The following FNDC3A variants were observed in gnomAD, a reference collection of about 807,000 sequenced individuals.
The protein encoded by FNDC3A is fibronectin type III domain containing 3A.
A neutral mutation model predicts 148.9 loss-of-function variants in FNDC3A; 32 were observed. The ratio of observed to expected loss-of-function variants is 0.21; its 90% CI spans 0.16 to 0.29. The LOEUF is 0.29. Among genes scored for constraint, FNDC3A ranks in the 10% least tolerant of loss-of-function variants. FNDC3A has a pLI of 1.00. For synonymous variants in FNDC3A, 472 were observed against 473.6 expected, an observed-to-expected ratio of 1.00 and a Z score of 0.04; for missense variants, 1,191 against 1,452.8, an observed-to-expected ratio of 0.82 and a Z score of 2.93.
chr13:49,021,065 G>A (rs925947937), intron 2 of FNDC3A, among the ~76,000 whole-genome samples: 4 of 152,052 alleles, frequency 2.6e-5, no homozygotes, highest in African/African-American at 7.2e-5. Context: ...ATTTGATATG[G>A]GAAAAAAATG....
At chr13:48,995,919 C>T (rs542544888) in intron 1 of FNDC3A, among the ~76,000 whole-genome samples, 10 of 152,106 alleles carry the variant, frequency 6.6e-5, no homozygotes, top group Admixed American at 2.0e-4. Context: ...TATTTTTAGT[C>T]TAATATAGTC....
intron 19 of FNDC3A, among the ~76,000 whole-genome samples, chr13:49,196,134 A>G (rs1449279391): frequency 1.3e-5 from 2 of 151,150 alleles, no homozygotes; most frequent in Non-Finnish European, 2.9e-5. Flanking sequence ...AAAGATGGGC[A>G]TTTGGCAAAA....
At chr13:49,180,160 C>T (rs1442584171) in intron 14 of FNDC3A, among the ~76,000 whole-genome samples, 3 of 152,264 alleles carry the variant, frequency 2.0e-5, no homozygotes, top group South Asian at 4.1e-4. Context: ...TAGTTTTCCC[C>T]TGTCCTTATT....
At chr13:49,068,376 AATT>A (rs1877412245) in intron 2 of FNDC3A, among the ~76,000 whole-genome samples, 1 of 149,350 alleles carries the variant, frequency 6.7e-6, no homozygotes, top group Non-Finnish European at 1.5e-5. Context: ...AAAATAAATT[AATT>A]AATTAATTAA....
chr13:49,079,102 A>T (rs1279695587), intron 3 of FNDC3A, among the ~76,000 whole-genome samples: 2 of 151,748 alleles, frequency 1.3e-5, no homozygotes, highest in East Asian at 3.8e-4. Flanking sequence ...CTAAATAATT[A>T]CCTTACTTTA....
At chr13:49,030,586 A>C (rs1483503346) in intron 2 of FNDC3A, among the ~76,000 whole-genome samples, 1 of 152,234 alleles carries the variant, frequency 6.6e-6, no homozygotes, top group Admixed American at 6.5e-5. Flanking sequence ...CTATTCAAAG[A>C]GAACATGATC....
chr13:49,203,293 C>T lies in FNDC3A; in HGVS notation c.3282+9C>T. Reference sequence around the variant, plus strand: ...ATTCAGAATTCAAACAGGTATGTACCAAGATATTAATGTGTGGATGCATAT... The same window carrying T: ...ATTCAGAATTCAAACAGGTATGTACTAAGATATTAATGTGTGGATGCATAT... On this transcript the variant is annotated intron_variant, in intron 25 of 25. Coordinates refer to ENST00000492622, the MANE Select transcript of FNDC3A (RefSeq NM_001079673.2). 1 of 1,588,542 alleles carries T rather than the reference C, an allele frequency of 6.3e-7. No homozygotes were observed. Among genetic ancestry groups the T allele is most frequent in the Non-Finnish European group, 8.6e-7 (1 of 1,164,122 alleles).
At chr13:49,194,738 C>T (rs907675227) in intron 19 of FNDC3A, among the ~76,000 whole-genome samples, 1 of 152,046 alleles carries the variant, frequency 6.6e-6, no homozygotes, top group Non-Finnish European at 1.5e-5. Flanking sequence ...TTGCCTTAAA[C>T]AAAATCACAG....
intron 8 of FNDC3A, among the ~76,000 whole-genome samples, chr13:49,147,203 T>A (rs1316474492): frequency 6.6e-6 from 1 of 152,186 alleles, no homozygotes; most frequent in African/African-American, 2.4e-5. Context: ...CTTACTATGT[T>A]AATGACTGTT....
At chr13:48,999,525 A>G (rs1196322957) in intron 1 of FNDC3A, among the ~76,000 whole-genome samples, 1 of 152,170 alleles carries the variant, frequency 6.6e-6, no homozygotes, top group Admixed American at 6.5e-5. Flanking sequence ...CTTGGACTTT[A>G]GAGTTGATAT....
chr13:49,046,891 G>T (rs1875455337), intron 2 of FNDC3A: 1 of 151,812 alleles, frequency 6.6e-6, no homozygotes, highest in Admixed American at 6.6e-5. Flanking sequence ...GGAAACAGTT[G>T]GTGTTTGCTT....
At chr13:49,010,137 C>T (rs1952307001) in intron 2 of FNDC3A, among the ~76,000 whole-genome samples, 1 of 152,166 alleles carries the variant, frequency 6.6e-6, no homozygotes, top group Non-Finnish European at 1.5e-5. Flanking sequence ...AGGAGAAAGC[C>T]TGGACCAAAC....
intron 2 of FNDC3A, among the ~76,000 whole-genome samples, chr13:49,018,638 CT>C (rs1306917639): frequency 1.3e-5 from 2 of 152,390 alleles, no homozygotes; most frequent in South Asian, 4.1e-4. Context: ...TGTTCCCTTG[CT>C]GGTGAGGAAC....
chr13:48,990,375 G>C (rs1045445535), intron 1 of FNDC3A, among the ~76,000 whole-genome samples: 1 of 151,820 alleles, frequency 6.6e-6, no homozygotes, highest in African/African-American at 2.4e-5. Flanking sequence ...ACTGGAAGTG[G>C]TAACTATCTG....
chr13:49,119,267 A>G (rs972324987), intron 4 of FNDC3A, among the ~76,000 whole-genome samples: 1 of 152,232 alleles, frequency 6.6e-6, no homozygotes, highest in East Asian at 1.9e-4. Flanking sequence ...GAGGGGCCTG[A>G]CTACTAGAAG....
chr13:49,036,035 A>G (rs777665567), intron 2 of FNDC3A, among the ~76,000 whole-genome samples: 22 of 152,144 alleles, frequency 1.4e-4, no homozygotes, highest in Non-Finnish European at 2.6e-4. Flanking sequence ...TGCAAAGTTC[A>G]TATGATCAAG....
chr13:49,189,128 C>T (rs1885742659), intron 17 of FNDC3A, among the ~76,000 whole-genome samples: 1 of 151,736 alleles, frequency 6.6e-6, no homozygotes, highest in Non-Finnish European at 1.5e-5. Flanking sequence ...GATATAAAGA[C>T]ATAATGTTCT....
chr13:49,008,935 A>G (rs1054287606), intron 2 of FNDC3A, among the ~76,000 whole-genome samples: 32 of 91,260 alleles, frequency 3.5e-4, no homozygotes, highest in Non-Finnish European at 6.5e-4. Context: ...CAGTTTCTTC[A>G]TTTATTAGTG....
chr13:49,048,230 A>G (rs1875565972), intron 2 of FNDC3A, among the ~76,000 whole-genome samples: 1 of 152,034 alleles, frequency 6.6e-6, no homozygotes. Context: ...GAAGTTTCCC[A>G]GATTTGTTCT....
Sources: gnomAD v4.1 joint callset for allele counts (sites outside exome capture counted in the v4.1 genomes callset) on GRCh38, gnomAD v4.1.1 for gene constraint, MANE v1.5 for transcripts, NCBI Gene and HGNC (gene_info 2026-07-23, HGNC 2026-07-21) for gene names.